The following HIP1R variants were observed in gnomAD, a reference collection of about 807,000 sequenced individuals.
HIP1R encodes the protein huntingtin interacting protein 1 related.
A neutral mutation model predicts 144.2 loss-of-function variants in HIP1R; 135 were observed. The observed-to-expected ratio is 0.94, with a 90% CI of 0.81 to 1.08. The LOEUF is 1.08. Ranked by LOEUF, HIP1R falls within the 50% of genes least tolerant of loss-of-function variation. The pLI, the probability that HIP1R is intolerant of heterozygous loss-of-function variation, is 0.00. For missense variants in HIP1R, 1,462 were observed against 1,432.8 expected (o/e 1.02, Z -0.33); for synonymous variants, 698 against 612.8 (o/e 1.14, Z -2.05).
rs771107002 is a variant in HIP1R, at chr12:122,861,487, C to T, written c.3132C>T (p.Pro1044=). 1.9e-6 allele frequency: 3 copies of T among 1,612,666 alleles called. No homozygotes were observed. Among genetic ancestry groups the T allele is most frequent in the Non-Finnish European group, 2.5e-6 (3 of 1,179,570 alleles). Residue 1044 remains proline (P), a synonymous_variant, in exon 31 of 32, where the codon CCC becomes CCT. Coordinates refer to ENST00000253083, the MANE Select transcript of HIP1R (RefSeq NM_003959.3). The part of the protein sequence containing the change: ...TTKKPPLAQK[P]SVAPRQDHQL... ...AGAAACCACCCCTGGCCCAGAAGCC[C>T]AGCGTGGCCCCCAGACAGGACCACC...
intron 7 of HIP1R, among the ~76,000 whole-genome samples, chr12:122,852,176 G>C (rs190846574): frequency 6.6e-5 from 10 of 152,348 alleles, no homozygotes; most frequent in African/African-American, 2.4e-4. Flanking sequence ...TTGGGAGTTA[G>C]AGGCAGTTTG....
chr12:122,836,402 CTA>C lies in HIP1R; in HGVS notation c.93+761_93+762del, dbSNP rs898775439. ...CGCTTGTAACTCTTCCAGATGATGC[CTA>C]TCCTGGGAAGGCGTTAGAAATGAAA... is the stretch of plus-strand genomic sequence containing the variant. On this transcript the variant is annotated intron_variant, in intron 1 of 31. Coordinates refer to ENST00000253083, the MANE Select transcript of HIP1R (RefSeq NM_003959.3). This position sits in a 1 kb window ranked among gnomAD's most constrained non-coding sequence, Gnocchi z 4.1. Among the ~76,000 whole-genome samples, 78 of 152,242 alleles carry C rather than the reference CTA, an allele frequency of 5.1e-4. No homozygotes were observed. The highest frequency in any genetic ancestry group is 1.8e-3 in the African/African-American group (76 of 41,534).
rs762623030 is a variant in HIP1R at position 122,856,419 on chromosome 12, C to T, written c.1402-13C>T. 3 of 1,601,306 alleles carry T rather than the reference C, an allele frequency of 1.9e-6. No individual in the cohort carries two copies. Among genetic ancestry groups the T allele is most frequent in the Admixed American group, 1.7e-5 (1 of 57,596 alleles). The stretch of plus-strand genomic sequence containing the variant: ...ATGGCAGCAGAGCATGAGCCCTTCC[C>T]CTGCCCATGCAGAACGCGGACACAG... On this transcript the variant is annotated splice_polypyrimidine_tract_variant and intron_variant, in intron 15 of 31. Transcript: ENST00000253083.
At chr12:122,859,298 C>T (rs2033690033) in intron 22 of HIP1R, 101 bp downstream of exon 22, 1 of 1,472,292 alleles carries the variant, frequency 6.8e-7, no homozygotes, top group Non-Finnish European at 9.3e-7. Flanking sequence ...GTGGAGCCTG[C>T]AGCCTCAGGA....
At chr12:122,854,256 A>G (rs1593879144) in intron 8 of HIP1R, 73 bp downstream of exon 8, 8 of 1,370,284 alleles carry the variant, frequency 5.8e-6, no homozygotes, top group Non-Finnish European at 7.8e-6. Flanking sequence ...GTCAAAAAGG[A>G]AAATCGAAAA....
At chr12:122,847,392 G>T (rs2033240242) in intron 1 of HIP1R, among the ~76,000 whole-genome samples, 1 of 152,218 alleles carries the variant, frequency 6.6e-6, no homozygotes, top group South Asian at 2.1e-4. Flanking sequence ...CACTTGCGCA[G>T]CTCCGGGTGA....
chr12:122,850,821 G>T lies in HIP1R; in HGVS notation c.439-14G>T. The T allele has an allele frequency of 6.2e-7, 1 of 1,605,014 alleles. No individual in the cohort carries two copies. Among genetic ancestry groups the T allele is most frequent in the Non-Finnish European group, 8.5e-7 (1 of 1,177,132 alleles). On this transcript the variant is annotated splice_polypyrimidine_tract_variant and intron_variant, in intron 5 of 31. Coordinates refer to ENST00000253083, the MANE Select transcript of HIP1R (RefSeq NM_003959.3). ...CCTGGTTCAGTGGCCGCTGGGTGGG[G>T]GTTCTCTCCACAGCATCCCCAGTTT...
intron 5 of HIP1R, 139 bp from the exon 6 acceptor site, chr12:122,850,696 G>C: frequency 3.7e-6 from 1 of 271,202 alleles, no homozygotes. Context: ...GCTGGGTTGG[G>C]GGGCCCTGGT....
intron 1 of HIP1R, among the ~76,000 whole-genome samples, chr12:122,837,222 A>T (rs1439203336): frequency 1.3e-5 from 2 of 152,190 alleles, no homozygotes; most frequent in African/African-American, 4.8e-5. Flanking sequence ...CTCTTAAATG[A>T]TAAGAAGTCA....
At chr12:122,859,853 C>T (rs763255926) in intron 24 of HIP1R, 23 bp downstream of exon 24, 2 of 1,607,850 alleles carry the variant, frequency 1.2e-6, no homozygotes, top group East Asian at 2.2e-5. Flanking sequence ...TCTGTCCCCC[C>T]AGGCCCAGCC....
Position 122,854,213 on chromosome 12 carries a change from G to A in HIP1R, c.718+30G>A, listed in dbSNP as rs965069749. On this transcript the variant is annotated intron_variant, in intron 8 of 31. Coordinates refer to ENST00000253083, the MANE Select transcript of HIP1R (RefSeq NM_003959.3). ...GTGGCCCAGGGCAACCCCTGGCCCG[G>A]AAGGCTGTGTTTATATGGCTTAGAC... 7 of 1,602,378 alleles carry A rather than the reference G, an allele frequency of 4.4e-6. No individual in the cohort carries two copies. The Admixed American group carries it at 1.0e-4, about 23-fold the overall frequency.
Position 122,848,521 on chromosome 12 carries a change from C to A in HIP1R, c.213C>A (p.Ala71=). The A allele has an allele frequency of 1.2e-6, 2 of 1,613,332 alleles. No individual in the cohort carries two copies. The highest frequency in any genetic ancestry group is 2.2e-5 in the East Asian group (1 of 44,894). The change falls in exon 3 of 32, where the codon GCC becomes GCA. Residue 71 remains alanine (A), a synonymous_variant. Coordinates refer to ENST00000253083, the MANE Select transcript of HIP1R (RefSeq NM_003959.3). ...EKGAFTFWSY[A]IGLPLPSSSI... ...GGGCTTTCACCTTCTGGTCCTACGCCATTGGGCTGCCGCTGCCCAGCAGCT... is the reference window on the plus strand; with the variant it reads ...GGGCTTTCACCTTCTGGTCCTACGCAATTGGGCTGCCGCTGCCCAGCAGCT...
chr12:122,859,111 G>A lies in HIP1R; in HGVS notation c.2209G>A (p.Gly737Arg). The A allele has an allele frequency of 2.5e-6, 4 of 1,599,062 alleles. No individual in the cohort carries two copies. In the South Asian group the frequency reaches 4.5e-5, roughly 18 times the overall value. ...CGGGGCCCGGGCTCTGGAGCTCATG[G>A]GGCAGCTGCAGGACCAGCAGGCTCT... The part of the protein sequence containing the change: ...ECGARALELM[G>R]QLQDQQALRH... The change falls in exon 22 of 32, where the codon GGG (glycine) becomes AGG (arginine). Residue 737 changes from glycine (G) to arginine (R), a missense_variant. Physicochemically the swap from Gly to Arg is moderately radical, Grantham distance 125. Around this residue, in one of 2 missense-constraint regions of HIP1R, gnomAD observed 1,112 missense variants for 1,011.7 expected, o/e 1.10. Transcript: ENST00000253083.
chr12:122,850,975 T>C (rs2033377007), intron 6 of HIP1R, 64 bp downstream of exon 6: 2 of 1,482,058 alleles, frequency 1.3e-6, no homozygotes, highest in Admixed American at 3.7e-5. Context: ...TCCTACCGCG[T>C]CTCACGCCCA....
In HIP1R at chr12:122,859,051, C is replaced by T; in HGVS notation, c.2159-10C>T. On this transcript the variant is annotated splice_polypyrimidine_tract_variant and intron_variant, in intron 21 of 31. Coordinates refer to ENST00000253083, the MANE Select transcript of HIP1R (RefSeq NM_003959.3). Reference sequence around the variant, plus strand: ...GGGGGGGCTCCACTCACGGTCCTTTCTCACCCCAGGCCTCATAGACACCTG... The same window carrying T: ...GGGGGGGCTCCACTCACGGTCCTTTTTCACCCCAGGCCTCATAGACACCTG... 1 of 1,605,686 alleles carries T rather than the reference C, an allele frequency of 6.2e-7. No homozygotes were observed. Among genetic ancestry groups the T allele is most frequent in the Non-Finnish European group, 8.5e-7 (1 of 1,176,434 alleles).
At chr12:122,859,659 C>A in intron 23 of HIP1R, 113 bp from the exon 24 acceptor site, 2 of 1,393,132 alleles carry the variant, frequency 1.4e-6, no homozygotes, top group Non-Finnish European at 2.0e-6. Context: ...GGACAGATGG[C>A]GTTTTCCAGG....
intron 1 of HIP1R, among the ~76,000 whole-genome samples, chr12:122,845,292 C>T (rs369681284): frequency 1.3e-5 from 2 of 152,234 alleles, no homozygotes; most frequent in South Asian, 2.1e-4. Flanking sequence ...GCGAGGCCCA[C>T]GGAGCAGCCA....
At chr12:122,835,767 G>C in intron 1 of HIP1R, 124 bp downstream of exon 1, 1 of 508,042 alleles carries the variant, frequency 2.0e-6, no homozygotes, top group Non-Finnish European at 2.5e-6. Flanking sequence ...GGGACGGCGC[G>C]GGGGCAGGGC....
At chr12:122,853,183 C>T (rs2033451185) in intron 7 of HIP1R, among the ~76,000 whole-genome samples, 1 of 152,110 alleles carries the variant, frequency 6.6e-6, no homozygotes. Context: ...GTCCTTTGTC[C>T]CTCCCACTTG....
Sources: gnomAD v4.1 joint callset for allele counts (sites outside exome capture counted in the v4.1 genomes callset) on GRCh38, gnomAD v4.1.1 for gene constraint, gnomAD v4.1.1 regional missense constraint, Gnocchi (gnomAD v3.1) non-coding constraint, MANE v1.5 for transcripts, NCBI Gene and HGNC (gene_info 2026-07-23, HGNC 2026-07-21) for gene names.